Variants in LAT2 observed in about 807,000 individuals in gnomAD.
LAT2 encodes linker for activation of T-cells family member 2.
Under a neutral mutation model 43.4 loss-of-function variants are expected in LAT2, and 23 were observed. The ratio of observed to expected loss-of-function variants is 0.53; its 90% confidence interval spans 0.38 to 0.75. The LOEUF (loss-of-function observed/expected upper bound fraction) is 0.75, where lower values mean the gene tolerates loss of function less well. Among genes scored for constraint, LAT2 ranks in the 30% least tolerant of loss-of-function variants. The pLI is 0.00. For missense variants in LAT2, 284 were observed against 310.2 expected (o/e 0.92, Z 0.64); for synonymous variants, 128 against 123.2 (o/e 1.04, Z -0.26).
At chr7:74,214,537 AAT>A (rs1554713834) in intron 1 of LAT2, among the ~76,000 whole-genome samples, 2 of 894 alleles carry the variant, frequency 2.2e-3, no homozygotes, top group Non-Finnish European at 2.9e-3. Flanking sequence ...TATATATATG[AAT>A]ATATATATAT....
intron 10 of LAT2, 94 bp from the exon 11 acceptor site, chr7:74,223,617 TGGCGGAAGAGGTC>T: frequency 9.5e-7 from 1 of 1,053,366 alleles, no homozygotes; most frequent in South Asian, 1.3e-5. Flanking sequence ...GGCTAGGGCT[TGGCGGAAGAGGTC>T]CCCTGCAAAG....
intron 13 of LAT2, among the ~76,000 whole-genome samples, chr7:74,226,966 T>C (rs1554716204): frequency 6.9e-6 from 1 of 145,686 alleles, no homozygotes; most frequent in Non-Finnish European, 1.5e-5. Flanking sequence ...TCGAGGCCGT[T>C]GGTGGGGAGG....
At position 74,221,712 on chromosome 7, in the gene LAT2, C is replaced by A; in HGVS notation, c.388+20C>A. The A allele has an allele frequency of 6.2e-7, 1 of 1,606,650 alleles. No homozygotes were observed. The highest frequency in any genetic ancestry group is 8.5e-7 in the Non-Finnish European group (1 of 1,175,418). ...CAGAAGGTGAGGCGAAGGACAAAGC[C>A]GGAGGTGGAGGAAGTGGTGTGGGAG... On this transcript the variant is annotated intron_variant, in intron 10 of 13. Coordinates refer to ENST00000460943, the MANE Select transcript of LAT2 (RefSeq NM_032464.3).
chr7:74,221,100 G>C (rs1554715167), intron 9 of LAT2, among the ~76,000 whole-genome samples: 4 of 152,092 alleles, frequency 2.6e-5, no homozygotes. Flanking sequence ...GGCAAACGAT[G>C]GGGAATGGCC....
intron 2 of LAT2, 107 bp from the exon 3 acceptor site, chr7:74,215,840 T>C: frequency 1.3e-6 from 1 of 768,490 alleles, no homozygotes; most frequent in East Asian, 2.5e-5. Context: ...GGGGAGGTGG[T>C]GTTTCCGCAG....
In LAT2 at chr7:74,213,420, CA is replaced by C. The variant is rs1365080356; in HGVS notation, c.-218-1401del. Among the ~76,000 whole-genome samples the C allele has an allele frequency of 4.8e-4, 65 of 136,280 alleles. No individual in the cohort carries two copies. In the South Asian group the frequency reaches 0.01, roughly 22 times the overall value. 89.4% of individuals were successfully genotyped at this position (136,280 alleles called of 152,430 possible). On this transcript the variant is annotated intron_variant, in intron 1 of 13. Transcript: ENST00000460943. ...ACAGGCATGAGCCACTGTGCCCGGC[CA>C]TTTTTTTTTTTTTTTTTTTTTGAGA...
At chr7:74,221,863 G>A (rs972691834) in intron 10 of LAT2, among the ~76,000 whole-genome samples, 171 bp downstream of exon 10, 31 of 151,862 alleles carry the variant, frequency 2.0e-4, no homozygotes, top group Admixed American at 1.4e-3. Flanking sequence ...AAGGGATAGG[G>A]GGCGGGCGGG....
intron 1 of LAT2, among the ~76,000 whole-genome samples, chr7:74,212,199 C>A (rs1397007646): frequency 1.3e-5 from 2 of 152,108 alleles, no homozygotes; most frequent in African/African-American, 2.4e-5. Context: ...CCTGTCTCGG[C>A]CTCCCAGTGT....
chr7:74,219,620 C>A, intron 4 of LAT2, 124 bp from the exon 5 acceptor site: 2 of 1,149,664 alleles, frequency 1.7e-6, no homozygotes, highest in Non-Finnish European at 2.6e-6. Context: ...AGTTCCTCCC[C>A]ACTGTCGCCC....
At chr7:74,224,921 T>C in intron 13 of LAT2, 161 bp downstream of exon 13, 2 of 544,724 alleles carry the variant, frequency 3.7e-6, no homozygotes, top group South Asian at 2.1e-5. Flanking sequence ...GCTTGGCGAC[T>C]CTGTTCCTCT....
rs868994083 is a variant in LAT2 at position 74,214,153 on chromosome 7, T to A, written c.-218-669T>A. On this transcript the variant is annotated intron_variant, in intron 1 of 13. Transcript: ENST00000460943. ...ATATATATATGAAAATATATATAAA[T>A]ATATATATGAAAATATATATATGAA... 2.8e-3 allele frequency among the ~76,000 whole-genome samples: 177 copies of A among 63,256 alleles called. 2 individuals carry two copies. The highest frequency in any genetic ancestry group is 3.5e-3 in the Non-Finnish European group (127 of 36,086). The allele number at this position is 63,256 out of a possible 152,430, so 41.5% of individuals were successfully genotyped here.
chr7:74,210,546 C>A (rs1220530381), intron 1 of LAT2, among the ~76,000 whole-genome samples: 5 of 152,112 alleles, frequency 3.3e-5, no homozygotes, highest in Middle Eastern at 3.2e-3. Context: ...CCTACCTGGC[C>A]CTCAACTCTG....
chr7:74,218,850 C>CA (rs1802141301), intron 4 of LAT2, among the ~76,000 whole-genome samples: 1 of 151,916 alleles, frequency 6.6e-6, no homozygotes, highest in African/African-American at 2.4e-5. Context: ...GCATGCGCCA[C>CA]CATGCCCAGC....
At chr7:74,224,517 C>T (rs1297840693) in intron 12 of LAT2, 122 bp from the exon 13 acceptor site, 2 of 818,416 alleles carry the variant, frequency 2.4e-6, no homozygotes, top group African/African-American at 3.4e-5. Flanking sequence ...ACCGCCAGGA[C>T]CTGTCGGGCG....
intron 4 of LAT2, among the ~76,000 whole-genome samples, chr7:74,218,687 C>A (rs571671776): frequency 2.0e-5 from 3 of 152,102 alleles, no homozygotes; most frequent in Non-Finnish European, 4.4e-5. Context: ...TAGGAATAGT[C>A]TATTATTTAT....
intron 11 of LAT2, 50 bp from the exon 12 acceptor site, chr7:74,223,968 G>C: frequency 6.3e-7 from 1 of 1,574,936 alleles, no homozygotes. Context: ...ATTGGCTCCT[G>C]GTGCCTCTGT....
chr7:74,220,794 C>T lies in LAT2; in HGVS notation c.332+60C>T, dbSNP rs1318420513. On this transcript the variant is annotated intron_variant, in intron 9 of 13. Transcript: ENST00000460943. The surrounding 1 kb of genome is among the most constrained non-coding windows in gnomAD (Gnocchi z 4.5). ...CTCTCCCCCTGCCCCACCTCTCCCC[C>T]TGCCCCACCTCTCCCCCTGCCCCAC... 3 of 1,403,544 alleles carry T rather than the reference C, an allele frequency of 2.1e-6. No homozygotes were observed. Among genetic ancestry groups the T allele is most frequent in the Admixed American group, 4.6e-5 (2 of 43,690 alleles). 86.9% of individuals were successfully genotyped at this position (1,403,544 alleles called of 1,614,324 possible). A position where few individuals can be genotyped will look rare whatever the true frequency, so the allele number is the denominator to read the frequency against.
chr7:74,225,678 G>C (rs1802458334), intron 13 of LAT2: 1 of 152,342 alleles, frequency 6.6e-6, no homozygotes, highest in African/African-American at 2.4e-5. Context: ...AGACATCAAA[G>C]CCTAGGCTGG....
chr7:74,219,837 A>G, intron 5 of LAT2, 50 bp downstream of exon 5: 1 of 1,612,640 alleles, frequency 6.2e-7, no homozygotes, highest in Non-Finnish European at 8.5e-7. Flanking sequence ...GGGTGTCCCT[A>G]TCAAGTTATC....
Sources: gnomAD v4.1 joint callset for allele counts (sites outside exome capture counted in the v4.1 genomes callset) on GRCh38, gnomAD v4.1.1 for gene constraint, Gnocchi (gnomAD v3.1) non-coding constraint, MANE v1.5 for transcripts, NCBI Gene and HGNC (gene_info 2026-07-23, HGNC 2026-07-21) for gene names.